The following CELF6 variants were observed in gnomAD, a reference collection of about 807,000 sequenced individuals.
CELF6 encodes CUGBP Elav-like family member 6, also known as Bruno -like 6, RNA binding protein.
CELF6 carries 32 observed loss-of-function variants against 53.1 expected under a neutral mutation model. That is an observed-to-expected ratio of 0.60 (90% CI 0.46 to 0.81). The LOEUF is 0.81. Among genes scored for constraint, CELF6 ranks in the 30% least tolerant of loss-of-function variants. CELF6 has a pLI of 0.00. For missense variants in CELF6, 539 were observed against 669.5 expected (o/e 0.81, Z 2.15); for synonymous variants, 291 against 288.8 (o/e 1.01, Z -0.08).
chr15:72,317,791 C>T (rs532399901), intron 1 of CELF6, among the ~76,000 whole-genome samples: 5 of 152,182 alleles, frequency 3.3e-5, no homozygotes, highest in East Asian at 1.9e-4. Flanking sequence ...TATCACCTGA[C>T]GTCCAAACCG....
intron 2 of CELF6, among the ~76,000 whole-genome samples, chr15:72,312,539 G>A (rs962585118): frequency 2.0e-5 from 3 of 152,186 alleles, no homozygotes; most frequent in South Asian, 2.1e-4. Flanking sequence ...TGAGGCAGGA[G>A]AATCACTTGA....
At chr15:72,310,847 TC>T (rs2088285626) in intron 2 of CELF6, among the ~76,000 whole-genome samples, 1 of 151,978 alleles carries the variant, frequency 6.6e-6, no homozygotes, top group South Asian at 2.1e-4. Context: ...CCACCTCTGT[TC>T]CCCCATTGCA....
intron 2 of CELF6, among the ~76,000 whole-genome samples, chr15:72,308,413 G>T (rs1333070959): frequency 6.6e-6 from 1 of 151,886 alleles, no homozygotes; most frequent in African/African-American, 2.4e-5. Flanking sequence ...TTTTAGTAAA[G>T]ACGGGGTTTC....
chr15:72,290,191 C>T lies in CELF6; in HGVS notation c.459G>A (p.Leu153=). ...KQQGEEDVRR[L]FQPFGHIEEC... ...CCTCGATGTGGCCAAAGGGCTGGAA[C>T]AGGCGTCTGACGTCCTCCTCACCCT... is the stretch of plus-strand genomic sequence containing the variant. The change falls in exon 4 of 13, where the codon CTG becomes CTA. Residue 153 remains leucine (L), a synonymous_variant. Transcript: ENST00000287202. The T allele has an allele frequency of 6.2e-7, 1 of 1,613,972 alleles. No homozygotes were observed.
intron 2 of CELF6, among the ~76,000 whole-genome samples, chr15:72,308,353 G>A (rs1298116176): frequency 8.6e-5 from 13 of 151,846 alleles, no homozygotes; most frequent in South Asian, 2.1e-4. Flanking sequence ...TCAGCCTCCC[G>A]AGTAGCTGGG....
Position 72,319,521 on chromosome 15 carries a change from G to A in CELF6, c.262+92C>T. 2 of 1,394,254 alleles carry A rather than the reference G, an allele frequency of 1.4e-6. No homozygotes were observed. The highest frequency in any genetic ancestry group is 4.8e-5 in the Admixed American group (2 of 41,830). 86.4% of individuals were successfully genotyped at this position (1,394,254 alleles called of 1,614,324 possible). ...CTGATATTGGACTGGTGTTGGACTG[G>A]CTCTCGGCAGGGCTAGGGCTGGGGC... is the stretch of plus-strand genomic sequence containing the variant. On this transcript the variant is annotated intron_variant, in intron 1 of 12. Transcript: ENST00000287202. The surrounding 1 kb of genome is among the most constrained non-coding windows in gnomAD (Gnocchi z 5.0).
In CELF6 at chr15:72,289,628, G is replaced by A; in HGVS notation, c.746C>T (p.Ala249Val). Residue 249 changes from alanine to valine, a missense_variant and splice_region_variant, in exon 6 of 13, where the codon GCG becomes GTG. This residue lies in a region of CELF6 where 358 missense variants were observed against 412.8 expected (regional missense o/e 0.87). Coordinates refer to ENST00000287202, the MANE Select transcript of CELF6 (RefSeq NM_052840.5). This position sits in a 1 kb window ranked among gnomAD's most constrained non-coding sequence, Gnocchi z 7.6. ...PLGACGAYTT[A>V]ILQHQAALLA... ...CGCACGCAGGTGCCCGGTACCTACCGCCGTGGTGTAGGCGCCGCAGGCCCC... is the reference window on the plus strand; with the variant it reads ...CGCACGCAGGTGCCCGGTACCTACCACCGTGGTGTAGGCGCCGCAGGCCCC... The A allele has an allele frequency of 6.7e-7, 1 of 1,502,654 alleles. No individual in the cohort carries two copies. Among genetic ancestry groups the A allele is most frequent in the Non-Finnish European group, 8.8e-7 (1 of 1,134,350 alleles). The allele number at this position is 1,502,654 out of a possible 1,614,324, so 93.1% of individuals were successfully genotyped here.
chr15:72,305,462 C>T (rs1477367469), intron 2 of CELF6, among the ~76,000 whole-genome samples: 1 of 152,224 alleles, frequency 6.6e-6, no homozygotes, highest in Non-Finnish European at 1.5e-5. Context: ...CCGCCTCAGC[C>T]TCCCAAAGTG....
In CELF6 at chr15:72,319,024, T is replaced by C. The variant is rs544525202; in HGVS notation, c.262+589A>G. ...TCTGGAACTGAGAGCCTCCTGGGAA[T>C]TGAATTGGATTTTGTGTTAGACAGG... On this transcript the variant is annotated intron_variant, in intron 1 of 12. Coordinates refer to ENST00000287202, the MANE Select transcript of CELF6 (RefSeq NM_052840.5). This position sits in a 1 kb window ranked among gnomAD's most constrained non-coding sequence, Gnocchi z 5.0. Among the ~76,000 whole-genome samples, 86 of 152,070 alleles carry C rather than the reference T, an allele frequency of 5.7e-4. No homozygotes were observed. Among genetic ancestry groups the C allele is most frequent in the African/African-American group, 2.0e-3 (83 of 41,470 alleles).
Position 72,306,416 on chromosome 15 carries a change from C to T in CELF6, c.346-1622G>A, listed in dbSNP as rs190150423. 7 of 507,222 alleles carry T rather than the reference C, an allele frequency of 1.4e-5. No individual in the cohort carries two copies. In the South Asian group the frequency reaches 2.6e-4, roughly 19 times the overall value. The allele number at this position is 507,222 out of a possible 1,614,324, so 31.4% of individuals were successfully genotyped here. On this transcript the variant is annotated intron_variant, in intron 2 of 12. Coordinates refer to ENST00000287202, the MANE Select transcript of CELF6 (RefSeq NM_052840.5). The stretch of plus-strand genomic sequence containing the variant: ...CCACTCCATCCCTTACCAATTTGCT[C>T]GTTGCCGAGACAACAGGCAGCTTCC...
At chr15:72,308,231 G>T (rs911399261) in intron 2 of CELF6, among the ~76,000 whole-genome samples, 25 of 140,410 alleles carry the variant, frequency 1.8e-4, no homozygotes, top group African/African-American at 4.2e-4. Flanking sequence ...GTTTTTTTTT[G>T]TTTGTTTGTT....
chr15:72,309,650 T>C (rs899366094), intron 2 of CELF6, among the ~76,000 whole-genome samples: 2 of 152,170 alleles, frequency 1.3e-5, no homozygotes, highest in African/African-American at 4.8e-5. Context: ...TATGTGTGGC[T>C]GGAGGAGAAA....
rs1247472233 is a variant in CELF6, at chr15:72,313,517, T to TG, written c.345+2327_345+2328insC. 31 of 152,378 alleles carry TG rather than the reference T, an allele frequency of 2.0e-4. 1 individual carries two copies. Among genetic ancestry groups the TG allele is most frequent in the Admixed American group, 1.6e-3 (24 of 15,300 alleles). 9.4% of individuals were successfully genotyped at this position (152,378 alleles called of 1,614,324 possible). ...CCTCCCAAAGTTTATCTTAATTTTT[T>TG]TGGGGGGGACCTCCCATTTCCTTTC... On this transcript the variant is annotated intron_variant, in intron 2 of 12. Transcript: ENST00000287202.
At chr15:72,318,042 C>T (rs1285556673) in intron 1 of CELF6, among the ~76,000 whole-genome samples, 1 of 152,126 alleles carries the variant, frequency 6.6e-6, no homozygotes, top group East Asian at 1.9e-4. Context: ...TATACACTTC[C>T]CTTATTGTAC....
intron 3 of CELF6, among the ~76,000 whole-genome samples, chr15:72,296,906 T>A (rs2088087324): frequency 6.6e-6 from 1 of 152,186 alleles, no homozygotes; most frequent in African/African-American, 2.4e-5. Flanking sequence ...TTCAAAAAAT[T>A]AAAAATAGAA....
intron 12 of CELF6, 34 bp downstream of exon 12, chr15:72,287,202 AG>A (rs1479990486): frequency 3.8e-6 from 6 of 1,579,946 alleles, no homozygotes; most frequent in Non-Finnish European, 5.2e-6. Context: ...CTCATCACTC[AG>A]GCCTCATCTA....
chr15:72,285,967 GTTTC>G lies in CELF6; in HGVS notation c.*400_*403del, dbSNP rs1184608454. The G allele has an allele frequency of 6.6e-6, 1 of 152,366 alleles. No homozygotes were observed. Among genetic ancestry groups the G allele is most frequent in the South Asian group, 2.1e-4 (1 of 4,818 alleles). 9.4% of individuals were successfully genotyped at this position (152,366 alleles called of 1,614,324 possible). On this transcript the variant is annotated 3_prime_UTR_variant, in exon 13 of 13. Transcript: ENST00000287202. ...TGTTTGTCTTGTTTTTTGTTTGTTT[GTTTC>G]TTTGTTTTAATTTATATAGATATAT...
chr15:72,305,598 C>A (rs1037113809), intron 2 of CELF6, among the ~76,000 whole-genome samples: 1 of 152,170 alleles, frequency 6.6e-6, no homozygotes, highest in Non-Finnish European at 1.5e-5. Context: ...CCCTAGGGTC[C>A]CCTTCCCTGA....
intron 3 of CELF6, among the ~76,000 whole-genome samples, chr15:72,301,009 G>A (rs893393112): frequency 2.0e-5 from 3 of 151,486 alleles, no homozygotes; most frequent in African/African-American, 7.3e-5. Context: ...TTTAAGACAG[G>A]GTCTCATTCA....
Sources: allele counts gnomAD v4.1 joint callset (sites outside exome capture counted in the v4.1 genomes callset), GRCh38; gene constraint gnomAD v4.1.1; regional missense constraint gnomAD v4.1.1; non-coding constraint Gnocchi (gnomAD v3.1); transcripts MANE v1.5; gene names NCBI Gene and HGNC (gene_info 2026-07-23, HGNC 2026-07-21).